NFRKB: variants seen among roughly 807,000 people sequenced by gnomAD.
The protein encoded by NFRKB is nuclear factor related to kappaB binding protein.
Under a neutral mutation model 135.7 loss-of-function variants are expected in NFRKB, and 62 were observed. The ratio of observed to expected loss-of-function variants is 0.46; its 90% confidence interval spans 0.37 to 0.56. NFRKB has a LOEUF of 0.56. Ranked by LOEUF, NFRKB falls within the 20% of genes least tolerant of loss-of-function variation. The pLI is 0.00. For missense variants in NFRKB, 1,545 were observed against 1,662.0 expected (o/e 0.93, Z 1.22); for synonymous variants, 678 against 635.6 (o/e 1.07, Z -1.00).
At chr11:129,884,273 T>C in intron 7 of NFRKB, 130 bp from the exon 8 acceptor site, 2 of 918,472 alleles carry the variant, frequency 2.2e-6, no homozygotes, top group South Asian at 2.8e-5. Flanking sequence ...CAAAAATCTT[T>C]AAAGTCACAG....
At chr11:129,883,940 G>A (rs912565360) in intron 8 of NFRKB, 130 bp downstream of exon 8, 2 of 976,628 alleles carry the variant, frequency 2.0e-6, no homozygotes, top group African/African-American at 1.6e-5. Context: ...AGCCTCGCCA[G>A]CTGCTCCTGT....
rs972232307 is a variant in NFRKB at position 129,865,971 on chromosome 11, T to C, written c.3544A>G (p.Thr1182Ala). 6.3e-6 allele frequency: 10 copies of C among 1,594,578 alleles called. No individual in the cohort carries two copies. Among genetic ancestry groups the C allele is most frequent in the East Asian group, 4.5e-5 (2 of 44,556 alleles). Residue 1182 changes from threonine (T) to alanine (A), a missense_variant, in exon 25 of 27, where the codon ACA becomes GCA. This residue lies in a region of NFRKB where 753 missense variants were observed against 804.3 expected (regional missense o/e 0.94). Coordinates refer to ENST00000682444, the MANE Select transcript of NFRKB (RefSeq NM_001143835.2). ...VSTSQAGKLP[T>A]RITVPLSVIS... ...ACAGAGAGGGGAACTGTGATCCGTG[T>C]AGGCAACTTCCCCTAGAAAAAAAAA... is the stretch of plus-strand genomic sequence containing the variant.
chr11:129,888,878 TATACATAAG>T (rs1234908492), intron 3 of NFRKB, 83 bp from the exon 4 acceptor site: 12 of 986,048 alleles, frequency 1.2e-5, no homozygotes, highest in African/African-American at 9.8e-5. Context: ...CATTACATAA[TATACATAAG>T]ATTTACCAAT....
chr11:129,883,249 G>A (rs1421125736), intron 8 of NFRKB, 43 bp from the exon 9 acceptor site: 11 of 1,535,448 alleles, frequency 7.2e-6, no homozygotes, highest in South Asian at 1.1e-5. Flanking sequence ...GCCCAAAAAG[G>A]AGCAAAAACT....
chr11:129,871,402 G>C (rs186161257), intron 23 of NFRKB, among the ~76,000 whole-genome samples: 1 of 151,952 alleles, frequency 6.6e-6, no homozygotes, highest in Non-Finnish European at 1.5e-5. Flanking sequence ...TGAAGCCCAC[G>C]CATTATCCTG....
At chr11:129,870,653 G>C (rs368607834) in intron 23 of NFRKB, among the ~76,000 whole-genome samples, 1 of 151,990 alleles carries the variant, frequency 6.6e-6, no homozygotes, top group Non-Finnish European at 1.5e-5. Flanking sequence ...CTGCAGCCTC[G>C]AACTCCTGGG....
chr11:129,895,289 C>T (rs970787218), intron 1 of NFRKB, among the ~76,000 whole-genome samples: 14 of 152,210 alleles, frequency 9.2e-5, no homozygotes, highest in Non-Finnish European at 1.9e-4. Flanking sequence ...GGGTCCAATC[C>T]TCAGAACTGC....
rs563107117 is a variant in NFRKB, at chr11:129,873,042, G to T, written c.2605C>A (p.Arg869=). The change falls in exon 23 of 27, where the codon CGG becomes AGG. Residue 869 remains arginine (R), a synonymous_variant. Coordinates refer to ENST00000682444, the MANE Select transcript of NFRKB (RefSeq NM_001143835.2). ...AGCCCTGTCTGCCCGGGTCCAGGCC[G>T]CTGCACAGTGGCTGCCGTAGTCTGC... ...KAQTTAATVQ[R]PGPGQTGLTV... The T allele has an allele frequency of 1.2e-6, 2 of 1,613,660 alleles. No homozygotes were observed. Among genetic ancestry groups the T allele is most frequent in the Non-Finnish European group, 1.7e-6 (2 of 1,179,892 alleles).
At chr11:129,885,642 C>T in intron 5 of NFRKB, 33 bp from the exon 6 acceptor site, 2 of 1,568,558 alleles carry the variant, frequency 1.3e-6, no homozygotes, top group South Asian at 2.3e-5. Context: ...TACAAGTCAT[C>T]ATCCAAGACC....
At chr11:129,891,455 AT>A (rs1949556379) in intron 3 of NFRKB, among the ~76,000 whole-genome samples, 1 of 152,200 alleles carries the variant, frequency 6.6e-6, no homozygotes, top group Non-Finnish European at 1.5e-5. Flanking sequence ...GCTCATTCAG[AT>A]TCCTGGGTCC....
rs146075650 is a variant in NFRKB, at chr11:129,879,062, A to G, written c.1385-519T>C. 2.8e-3 allele frequency among the ~76,000 whole-genome samples: 421 copies of G among 152,226 alleles called. 1 individual carries two copies. The highest frequency in any genetic ancestry group is 9.7e-3 in the African/African-American group (401 of 41,514). ...CTTTCCACAACCCGCCTAGAAAGAG[A>G]TAAGCCCTGTCTCCTGTGCCCTCTT... On this transcript the variant is annotated intron_variant, in intron 13 of 26. Transcript: ENST00000682444.
At chr11:129,895,054 G>A (rs1565431962) in intron 1 of NFRKB, among the ~76,000 whole-genome samples, 1 of 152,210 alleles carries the variant, frequency 6.6e-6, no homozygotes, top group Non-Finnish European at 1.5e-5. Flanking sequence ...GACCCCGGAA[G>A]CCAAGGATTT....
intron 23 of NFRKB, 48 bp downstream of exon 23, chr11:129,872,836 T>C (rs1591486579): frequency 1.3e-6 from 2 of 1,536,266 alleles, no homozygotes; most frequent in Non-Finnish European, 1.8e-6. Flanking sequence ...CAGTGGTCCC[T>C]GCTCCAGGAT....
chr11:129,878,705 C>T (rs1257841958), intron 13 of NFRKB, among the ~76,000 whole-genome samples, 162 bp from the exon 14 acceptor site: 3 of 152,224 alleles, frequency 2.0e-5, no homozygotes, highest in African/African-American at 7.2e-5. Context: ...CGGAAGTCAG[C>T]CTGGACCACC....
rs757254110 is a variant in NFRKB at position 129,883,205 on chromosome 11, T to C, written c.818A>G (p.Asp273Gly). 1.2e-6 allele frequency: 2 copies of C among 1,613,858 alleles called. No homozygotes were observed. Among genetic ancestry groups the C allele is most frequent in the Non-Finnish European group, 1.7e-6 (2 of 1,179,914 alleles). The change falls in exon 9 of 27, where the codon GAT becomes GGT. Residue 273 changes from aspartate to glycine, a missense_variant and splice_region_variant. By Grantham distance (94) the Asp-to-Gly change is moderately conservative. This residue lies in a region of NFRKB where 678 missense variants were observed against 646.7 expected (regional missense o/e 1.05). Transcript: ENST00000682444. ...GTCCCCTGTCAAAAGGTCCGGGTGATCCTAGATGTGATATCCAGAATTTGG... is the reference window on the plus strand; with the variant it reads ...GTCCCCTGTCAAAAGGTCCGGGTGACCCTAGATGTGATATCCAGAATTTGG... ...KHHEKRKHQP[D>G]HPDLLTGDLT...
At chr11:129,882,687 A>AG in intron 9 of NFRKB, 56 bp from the exon 10 acceptor site, 1 of 1,541,998 alleles carries the variant, frequency 6.5e-7, no homozygotes, top group Non-Finnish European at 8.8e-7. Context: ...CAGGGAAGTG[A>AG]GGGGTCTTAT....
intron 13 of NFRKB, among the ~76,000 whole-genome samples, chr11:129,879,965 T>A (rs557108541): frequency 4.1e-4 from 62 of 152,272 alleles, no homozygotes; most frequent in African/African-American, 1.4e-3. Context: ...AGCAGGTGGA[T>A]CACCTGGGCT....
At position 129,873,973 on chromosome 11, in the gene NFRKB, T is replaced by C. The variant is rs199707973; in HGVS notation, c.2322A>G (p.Thr774=). Residue 774 remains threonine, a synonymous_variant, in exon 22 of 27, where the codon ACA becomes ACG. Coordinates refer to ENST00000682444, the MANE Select transcript of NFRKB (RefSeq NM_001143835.2). ...VSSPTMPHLG[T]MLSPASSQTA... ...TCTGGCTGGAAGCTGGGGAAAGCAT[T>C]GTTCCCAGATGTGGCATTGTTGGTG... 277 of 1,612,782 alleles carry C rather than the reference T, an allele frequency of 1.7e-4. No individual in the cohort carries two copies. Among genetic ancestry groups the C allele is most frequent in the Non-Finnish European group, 4.2e-5 (50 of 1,180,026 alleles).
At position 129,881,736 on chromosome 11, in the gene NFRKB, C is replaced by T; in HGVS notation, c.1309G>A (p.Glu437Lys). 1 of 1,614,102 alleles carries T rather than the reference C, an allele frequency of 6.2e-7. No homozygotes were observed. The highest frequency in any genetic ancestry group is 8.5e-7 in the Non-Finnish European group (1 of 1,179,994). ...VLPALQYLAG[E>K]SRAVPSSFSP... ...AAAAAGAGCATCTTACCTCGACTTT[C>T]TCCAGCAAGATACTGCAGGGCTGGT... Residue 437 changes from glutamate to lysine, a missense_variant, in exon 12 of 27, where the codon GAA (glutamate) becomes AAA (lysine). Physicochemically the swap from Glu to Lys is moderately conservative, Grantham distance 56. Transcript: ENST00000682444.
Sources: gnomAD v4.1 joint callset for allele counts (sites outside exome capture counted in the v4.1 genomes callset) on GRCh38, gnomAD v4.1.1 for gene constraint, gnomAD v4.1.1 regional missense constraint, MANE v1.5 for transcripts, NCBI Gene and HGNC (gene_info 2026-07-23, HGNC 2026-07-21) for gene names.